The following GRM7 variants were observed in gnomAD, a reference collection of about 807,000 sequenced individuals.
GRM7 encodes glutamate metabotropic receptor 7, also known as metabotropic glutamate receptor 7.
A neutral mutation model predicts 84.5 loss-of-function variants in GRM7; 35 were observed. The observed-to-expected ratio is 0.41, with a 90% CI of 0.32 to 0.55. The LOEUF is 0.55. Among genes scored for constraint, GRM7 ranks in the 20% least tolerant of loss-of-function variants. The pLI is 0.19. For missense variants in GRM7, 1,003 were observed against 1,194.6 expected (o/e 0.84, Z 2.36); for synonymous variants, 487 against 455.1 (o/e 1.07, Z -0.89).
intron 1 of GRM7, among the ~76,000 whole-genome samples, chr3:7,049,687 A>C (rs1227645799): frequency 1.3e-5 from 2 of 151,942 alleles, no homozygotes; most frequent in African/African-American, 2.4e-5. Flanking sequence ...TTCTATGAAA[A>C]ATTATTGCAA....
At chr3:6,887,331 T>G (rs1695735200) in intron 1 of GRM7, among the ~76,000 whole-genome samples, 1 of 152,090 alleles carries the variant, frequency 6.6e-6, no homozygotes, top group African/African-American at 2.4e-5. Flanking sequence ...CTGCACCCAT[T>G]AACTTGTCAT....
intron 1 of GRM7, among the ~76,000 whole-genome samples, chr3:6,951,121 C>G (rs1386625605): frequency 1.3e-5 from 2 of 152,220 alleles, no homozygotes; most frequent in African/African-American, 2.4e-5. Context: ...AATCACCCAT[C>G]TTCTGCGTCG....
chr3:7,036,495 T>C (rs1696389584), intron 1 of GRM7, among the ~76,000 whole-genome samples: 1 of 152,100 alleles, frequency 6.6e-6, no homozygotes, highest in African/African-American at 2.4e-5. Flanking sequence ...CATGGGATTA[T>C]AGAATCTCCA....
intron 3 of GRM7, among the ~76,000 whole-genome samples, chr3:7,305,726 C>T (rs1251452455): frequency 1.3e-5 from 2 of 151,830 alleles, no homozygotes; most frequent in African/African-American, 2.4e-5. Flanking sequence ...TTGACCCAAT[C>T]TTCCTGCATT....
At chr3:7,685,344 C>A (rs1176981745) in intron 9 of GRM7, among the ~76,000 whole-genome samples, 1 of 152,188 alleles carries the variant, frequency 6.6e-6, no homozygotes, top group Non-Finnish European at 1.5e-5. Context: ...TTCTCTTAAG[C>A]TACCATCCAT....
At position 7,316,437 on chromosome 3, in the gene GRM7, A is replaced by C. The variant is rs746246163; in HGVS notation, c.1033+9785A>C. ...TTCCCCCCAAAACAAAGAAACAACA[A>C]CCACCGCAACAAAAAACAAATGAGA... On this transcript the variant is annotated intron_variant, in intron 4 of 9. Transcript: ENST00000357716. 1.6e-3 allele frequency among the ~76,000 whole-genome samples: 250 copies of C among 152,248 alleles called. 1 individual carries two copies. Among genetic ancestry groups the C allele is most frequent in the East Asian group, 2.9e-3 (15 of 5,180 alleles).
At chr3:7,189,428 TG>T (rs1374425561) in intron 2 of GRM7, among the ~76,000 whole-genome samples, 8 of 152,204 alleles carry the variant, frequency 5.3e-5, no homozygotes, top group African/African-American at 1.9e-4. Context: ...GATCTGGCTT[TG>T]GGTTTATAAT....
intron 4 of GRM7, among the ~76,000 whole-genome samples, chr3:7,406,472 C>T (rs1479706084): frequency 1.3e-5 from 2 of 151,940 alleles, no homozygotes; most frequent in Admixed American, 6.6e-5. Flanking sequence ...TGCACTCCAG[C>T]CTGGGCAACA....
rs1251835615 is a variant in GRM7 at position 7,512,516 on chromosome 3, G to C, written c.1515+50794G>C. Reference sequence around the variant, plus strand: ...TCTTCATTTTTGAGTTCCAGAGAAAGAGAAGTACTTTAGAAATCTTTTTGG... The same window carrying C: ...TCTTCATTTTTGAGTTCCAGAGAAACAGAAGTACTTTAGAAATCTTTTTGG... On this transcript the variant is annotated intron_variant, in intron 7 of 9. Transcript: ENST00000357716. Among the ~76,000 whole-genome samples the C allele has an allele frequency of 3.9e-5, 6 of 151,998 alleles. No homozygotes were observed. The South Asian group carries it at 1.0e-3, about 26-fold the overall frequency.
chr3:7,051,593 G>A (rs1697001238), intron 1 of GRM7, among the ~76,000 whole-genome samples: 1 of 151,752 alleles, frequency 6.6e-6, no homozygotes, highest in Non-Finnish European at 1.5e-5. Flanking sequence ...CTTAGGAAAA[G>A]TTGACTTGAC....
intron 2 of GRM7, among the ~76,000 whole-genome samples, chr3:7,174,714 T>G (rs112785000): frequency 0.017 from 2,643 of 152,270 alleles, 62 homozygotes; most frequent in African/African-American, 0.059. Flanking sequence ...GCTATCTGCT[T>G]CACAAAAACT....
chr3:7,026,213 C>T (rs1442685237), intron 1 of GRM7, among the ~76,000 whole-genome samples: 1 of 152,190 alleles, frequency 6.6e-6, no homozygotes, highest in Non-Finnish European at 1.5e-5. Flanking sequence ...CTGGGTTGCA[C>T]CTTAGGCAGC....
chr3:7,404,033 G>A (rs929594401), intron 4 of GRM7, among the ~76,000 whole-genome samples: 5 of 152,012 alleles, frequency 3.3e-5, no homozygotes, highest in African/African-American at 1.2e-4. Context: ...GGATGCTCAG[G>A]CCCAACAGTA....
At chr3:7,541,340 G>A (rs1179357628) in intron 7 of GRM7, among the ~76,000 whole-genome samples, 1 of 151,938 alleles carries the variant, frequency 6.6e-6, no homozygotes, top group African/African-American at 2.4e-5. Context: ...AATTCAACTC[G>A]GGGCATGATT....
chr3:7,343,320 A>G (rs1692731815), intron 4 of GRM7, among the ~76,000 whole-genome samples: 1 of 151,762 alleles, frequency 6.6e-6, no homozygotes, highest in South Asian at 2.1e-4. Flanking sequence ...TGCAGCCTCG[A>G]CCTCCTAGGC....
Position 7,667,868 on chromosome 3 carries a change from A to G in GRM7, c.2452-12181A>G, listed in dbSNP as rs1202045799. On this transcript the variant is annotated intron_variant, in intron 8 of 9. Transcript: ENST00000357716. ...AGTCAGCAGATTTATGTCAAAAAAA[A>G]AAAAAAAAAACTTCAACGCCTGAAC... Among the ~76,000 whole-genome samples the G allele has an allele frequency of 2.0e-5, 3 of 152,190 alleles. No homozygotes were observed. In the East Asian group the frequency reaches 5.8e-4, roughly 29 times the overall value.
At chr3:7,479,124 G>A (rs897310171) in intron 7 of GRM7, among the ~76,000 whole-genome samples, 3 of 152,042 alleles carry the variant, frequency 2.0e-5, no homozygotes, top group African/African-American at 7.2e-5. Flanking sequence ...CAAGAATTTG[G>A]CAGATGATCC....
chr3:7,497,380 T>C (rs933254519), intron 7 of GRM7, among the ~76,000 whole-genome samples: 7 of 152,170 alleles, frequency 4.6e-5, no homozygotes, highest in African/African-American at 7.2e-5. Context: ...TCATGGAGTA[T>C]AAGCCCACCC....
intron 2 of GRM7, among the ~76,000 whole-genome samples, chr3:7,235,223 T>C (rs1304562406): frequency 6.6e-6 from 1 of 152,174 alleles, no homozygotes; most frequent in East Asian, 1.9e-4. Flanking sequence ...TCCATGTGGA[T>C]GTCCTGAGTG....
Sources: gnomAD v4.1 joint callset for allele counts (sites outside exome capture counted in the v4.1 genomes callset) on GRCh38, gnomAD v4.1.1 for gene constraint, MANE v1.5 for transcripts, NCBI Gene and HGNC (gene_info 2026-07-23, HGNC 2026-07-21) for gene names.